The following DNAJC13 variants were observed in gnomAD, a reference collection of about 807,000 sequenced individuals.
The protein encoded by DNAJC13 is DnaJ heat shock protein family (Hsp40) member C13, also known as dnaJ homolog subfamily C member 13.
A neutral mutation model predicts 290.5 loss-of-function variants in DNAJC13; 75 were observed. That is an observed-to-expected ratio of 0.26 (90% CI 0.21 to 0.31). The LOEUF is 0.31. DNAJC13 is among the 10% of genes least tolerant of loss of function. The pLI is 1.00. For synonymous variants in DNAJC13, 862 were observed against 892.0 expected, an observed-to-expected ratio of 0.97 and a Z score of 0.60; for missense variants, 2,260 against 2,674.5, an observed-to-expected ratio of 0.85 and a Z score of 3.42.
chr3:132,453,475 G>T lies in DNAJC13; in HGVS notation c.715G>T (p.Val239Leu), dbSNP rs965542250. ...DESITSLAEFVVQKISPRHSE... is the reference protein window; with the variant it reads ...DESITSLAEFLVQKISPRHSE... ...ATCCATCACATCTTTAGCAGAGTTT[G>T]TAGTCCAAAAAATATCACCTAGACA... is the stretch of plus-strand genomic sequence containing the variant. The change falls in exon 7 of 56, where the codon GTA becomes TTA. Residue 239 changes from valine (V) to leucine (L), a missense_variant. Transcript: ENST00000260818. The T allele has an allele frequency of 6.2e-7, 1 of 1,613,882 alleles. No homozygotes were observed. Among genetic ancestry groups the T allele is most frequent in the Admixed American group, 1.7e-5 (1 of 60,024 alleles).
In DNAJC13 at chr3:132,502,363, C is replaced by G. The variant is rs752675421; in HGVS notation, c.4611C>G (p.His1537Gln). The G allele has an allele frequency of 6.2e-7, 1 of 1,613,804 alleles. No homozygotes were observed. Among genetic ancestry groups the G allele is most frequent in the Non-Finnish European group, 8.5e-7 (1 of 1,179,924 alleles). Residue 1537 changes from histidine (H) to glutamine (Q), a missense_variant, in exon 40 of 56, where the codon CAC (histidine) becomes CAG (glutamine). This residue lies in a region of DNAJC13 where 1,494 missense variants were observed against 1,693.7 expected (regional missense o/e 0.88). Transcript: ENST00000260818. ...SFAVDFWLQT[H>Q]LFQAGILWYL... is the part of the protein sequence containing the mutation. ...CTGTGGATTTCTGGCTACAGACACA[C>G]CTATTTCAGGCTGGAATTTTGTGGT... is the stretch of plus-strand genomic sequence containing the variant.
At position 132,484,599 on chromosome 3, in the gene DNAJC13, A is replaced by T; in HGVS notation, c.3194A>T (p.Asn1065Ile). ...CGYFPSRDQD[N>I]AIIRPLPKVK... ...AAAATGTTTTCTAGGGATCAAGACA[A>T]TGCCATCATTCGGCCTCTACCCAAA... Residue 1065 changes from asparagine (N) to isoleucine (I), a missense_variant, in exon 29 of 56, where the codon AAT becomes ATT. Physicochemically the swap from Asn to Ile is moderately radical, Grantham distance 149. This residue lies in a region of DNAJC13 where 1,494 missense variants were observed against 1,693.7 expected (regional missense o/e 0.88). Coordinates refer to ENST00000260818, the MANE Select transcript of DNAJC13 (RefSeq NM_015268.4). 1 of 1,614,080 alleles carries T rather than the reference A, an allele frequency of 6.2e-7. No individual in the cohort carries two copies. Among genetic ancestry groups the T allele is most frequent in the Non-Finnish European group, 8.5e-7 (1 of 1,179,940 alleles).
chr3:132,443,737 G>A (rs927693152), intron 2 of DNAJC13, among the ~76,000 whole-genome samples: 2 of 152,052 alleles, frequency 1.3e-5, no homozygotes, highest in Non-Finnish European at 2.9e-5. Flanking sequence ...AAGGGAGTGC[G>A]GAGGGGAAGG....
At chr3:132,514,898 A>ATTAT in intron 46 of DNAJC13, 2 of 185,018 alleles carry the variant, frequency 1.1e-5, no homozygotes, top group Admixed American at 1.0e-4. Flanking sequence ...CCAAAGGAAA[A>ATTAT]TAACCTGGGA....
chr3:132,523,028 C>T (rs1195764304), intron 49 of DNAJC13, 31 bp downstream of exon 49: 1 of 1,602,676 alleles, frequency 6.2e-7, no homozygotes, highest in African/African-American at 1.3e-5. Flanking sequence ...TAATTTATAG[C>T]CTTTAAATAA....
At chr3:132,521,256 A>C (rs11924792) in intron 48 of DNAJC13, among the ~76,000 whole-genome samples, 14,779 of 151,936 alleles carry the variant, frequency 0.097, 846 homozygotes, top group South Asian at 0.14. Context: ...CAAAAAAAAA[A>C]GGTTAGAAGT....
chr3:132,428,511 T>C (rs1247229116), intron 1 of DNAJC13, among the ~76,000 whole-genome samples: 1 of 152,174 alleles, frequency 6.6e-6, no homozygotes, highest in Non-Finnish European at 1.5e-5. Context: ...GGTCTTGCCA[T>C]GTTGCCCAGG....
Position 132,523,003 on chromosome 3 carries a change from TA to T in DNAJC13, c.5843+11del. ...GTTAGGGAAATGATGCTAGAGTAAG[TA>T]AAAACAAAGGTAATAATTTATAGCC... On this transcript the variant is annotated splice_region_variant and intron_variant, in intron 49 of 55. Coordinates refer to ENST00000260818, the MANE Select transcript of DNAJC13 (RefSeq NM_015268.4). 1.9e-6 allele frequency: 3 copies of T among 1,605,658 alleles called. No homozygotes were observed. The highest frequency in any genetic ancestry group is 2.5e-6 in the Non-Finnish European group (3 of 1,177,066).
intron 5 of DNAJC13, 100 bp downstream of exon 5, chr3:132,448,039 T>C: frequency 5.7e-6 from 5 of 871,290 alleles, no homozygotes; most frequent in African/African-American, 1.7e-5. Context: ...GTAGCAAAGC[T>C]AAAGGGAAAA....
At chr3:132,470,863 C>T (rs1470255926) in intron 20 of DNAJC13, among the ~76,000 whole-genome samples, 4 of 136,016 alleles carry the variant, frequency 2.9e-5, no homozygotes, top group South Asian at 2.4e-4. Context: ...ACCTCCCTCC[C>T]GGACAGGGCG....
chr3:132,517,241 G>A (rs567939191), intron 48 of DNAJC13, among the ~76,000 whole-genome samples: 18 of 152,154 alleles, frequency 1.2e-4, no homozygotes, highest in Non-Finnish European at 2.2e-4. Context: ...ATTCATATAG[G>A]GGCATGAGTG....
chr3:132,419,348 T>C (rs1411673719), intron 1 of DNAJC13, among the ~76,000 whole-genome samples: 1 of 152,190 alleles, frequency 6.6e-6, no homozygotes, highest in Non-Finnish European at 1.5e-5. Context: ...TATATTAATG[T>C]TATATATTGT....
In DNAJC13 at chr3:132,480,382, A is replaced by T. The variant is rs572291992; in HGVS notation, c.2786A>T (p.Asp929Val). 1.2e-6 allele frequency: 2 copies of T among 1,612,040 alleles called. No individual in the cohort carries two copies. The highest frequency in any genetic ancestry group is 4.5e-5 in the East Asian group (2 of 44,832). Reference sequence around the variant, plus strand: ...TTCCTCTTCCAGAAAAATGTTAAGGATCTCATGGATTCAAATGGAATAAGA... The same window carrying T: ...TTCCTCTTCCAGAAAAATGTTAAGGTTCTCATGGATTCAAATGGAATAAGA... ...KLILNKKNVK[D>V]LMDSNGIRIL... Residue 929 changes from aspartate to valine, a missense_variant, in exon 26 of 56, where the codon GAT becomes GTT. Around this residue, in one of 3 missense-constraint regions of DNAJC13, gnomAD observed 1,494 missense variants for 1,693.7 expected, o/e 0.88. Transcript: ENST00000260818.
intron 2 of DNAJC13, among the ~76,000 whole-genome samples, chr3:132,437,729 T>C (rs1469067028): frequency 1.3e-5 from 2 of 152,236 alleles, no homozygotes; most frequent in Non-Finnish European, 2.9e-5. Flanking sequence ...TGTGCTGTTT[T>C]GAAACTTAGA....
At chr3:132,532,318 T>A (rs1936440351) in intron 55 of DNAJC13, among the ~76,000 whole-genome samples, 1 of 152,238 alleles carries the variant, frequency 6.6e-6, no homozygotes, top group Non-Finnish European at 1.5e-5. Flanking sequence ...GAGGAAATTT[T>A]ACCTGGTTTT....
rs776299696 is a variant in DNAJC13 at position 132,500,917 on chromosome 3, G to C, written c.4536+4G>C. 12 of 1,613,502 alleles carry C rather than the reference G, an allele frequency of 7.4e-6. No individual in the cohort carries two copies. Among genetic ancestry groups the C allele is most frequent in the South Asian group, 6.6e-5 (6 of 90,996 alleles). ...TCGGGTACTATATTTTGGCAAGGTA[G>C]GGTTAATCTTTAATGCTTTCTAGAT... On this transcript the variant is annotated splice_donor_region_variant and intron_variant, in intron 39 of 55. Transcript: ENST00000260818.
chr3:132,447,960 A>G lies in DNAJC13; in HGVS notation c.336+21A>G, dbSNP rs762967623. On this transcript the variant is annotated intron_variant, in intron 5 of 55. Coordinates refer to ENST00000260818, the MANE Select transcript of DNAJC13 (RefSeq NM_015268.4). ...GAAGGGTAAATATTTAACATTTATTATGTATTTTTATTTGTTCAAATGTTG... is the reference window on the plus strand; with the variant it reads ...GAAGGGTAAATATTTAACATTTATTGTGTATTTTTATTTGTTCAAATGTTG... The G allele has an allele frequency of 2.1e-5, 30 of 1,438,226 alleles. No individual in the cohort carries two copies. In the East Asian group the frequency reaches 6.6e-4, roughly 32 times the overall value. 89.1% of individuals were successfully genotyped at this position (1,438,226 alleles called of 1,614,324 possible).
In DNAJC13 at chr3:132,493,520, T is replaced by A. The variant is rs1935130832; in HGVS notation, c.3826-624T>A. The stretch of plus-strand genomic sequence containing the variant: ...GCAGCTAGCTCTTAGAATCTCAGTG[T>A]TTTTATTTATTGATCAAATTTTAGA... On this transcript the variant is annotated intron_variant, in intron 33 of 55. Transcript: ENST00000260818. 7.2e-5 allele frequency among the ~76,000 whole-genome samples: 11 copies of A among 152,202 alleles called. No homozygotes were observed. In the South Asian group the frequency reaches 2.3e-3, roughly 32 times the overall value.
chr3:132,454,207 T>C (rs1336273496), intron 9 of DNAJC13, 50 bp downstream of exon 9: 7 of 1,330,506 alleles, frequency 5.3e-6, no homozygotes, highest in Non-Finnish European at 6.3e-6. Context: ...CAAGGCAAAG[T>C]GCTTGGTCAA....
Sources: allele counts gnomAD v4.1 joint callset (sites outside exome capture counted in the v4.1 genomes callset), GRCh38; gene constraint gnomAD v4.1.1; regional missense constraint gnomAD v4.1.1; transcripts MANE v1.5; gene names NCBI Gene and HGNC (gene_info 2026-07-23, HGNC 2026-07-21).